The following PREX1 variants were observed in gnomAD, a reference collection of about 807,000 sequenced individuals.
The protein encoded by PREX1 is phosphatidylinositol 3,4,5-trisphosphate-dependent Rac exchanger 1 protein.
In PREX1, 41 loss-of-function variants were observed where a neutral mutation model predicts 198.3. The observed-to-expected ratio is 0.21, with a 90% CI of 0.16 to 0.27. The LOEUF is 0.27. Among genes scored for constraint, PREX1 ranks in the 10% least tolerant of loss-of-function variants. The pLI, the probability that PREX1 is intolerant of heterozygous loss-of-function variation, is 1.00. For missense variants in PREX1, 1,620 were observed against 2,200.7 expected, an observed-to-expected ratio of 0.74 and a Z score of 5.28; for synonymous variants, 843 against 887.2, an observed-to-expected ratio of 0.95 and a Z score of 0.89.
chr20:48,724,491 G>A (rs151156880), intron 5 of PREX1, among the ~76,000 whole-genome samples: 14 of 152,298 alleles, frequency 9.2e-5, no homozygotes, highest in East Asian at 1.9e-4. Flanking sequence ...TGGCTGCAAC[G>A]GCTGACTCTC....
the PREX1 span, among the ~76,000 whole-genome samples, chr20:48,863,347 C>T: frequency 1.3e-5 from 2 of 152,116 alleles, no homozygotes; most frequent in Admixed American, 6.6e-5. Flanking sequence ...ATGCAGTCTG[C>T]AGGTCTTGGC....
Position 48,657,071 on chromosome 20 carries a change from G to A in PREX1, c.2092C>T (p.Leu698=), listed in dbSNP as rs202212537. 7 of 1,605,040 alleles carry A rather than the reference G, an allele frequency of 4.4e-6. No homozygotes were observed. In the South Asian group the frequency reaches 7.8e-5, roughly 18 times the overall value. ...GCCTTCGTGGCCACCAGGAGGCGCA[G>A]AGGGCGGCGGGAGCAGAAGGACTGG... ...LNQSFCSRRP[L]RLLVATKAKE... is the part of the protein sequence containing the mutation. Residue 698 remains leucine (L), a synonymous_variant, in exon 18 of 40, where the codon CTG becomes TTG. Coordinates refer to ENST00000371941, the MANE Select transcript of PREX1 (RefSeq NM_020820.4).
intron 6 of PREX1, among the ~76,000 whole-genome samples, chr20:48,702,684 C>T (rs1442149207): frequency 6.6e-6 from 1 of 152,200 alleles, no homozygotes; most frequent in Non-Finnish European, 1.5e-5. Context: ...TGGAGGGAAC[C>T]TGGGTCCTGG....
At chr20:48,782,385 T>C (rs367841205) in intron 1 of PREX1, among the ~76,000 whole-genome samples, 2 of 152,176 alleles carry the variant, frequency 1.3e-5, no homozygotes, top group African/African-American at 2.4e-5. Flanking sequence ...CCACCTAAGA[T>C]ATGCCTTTTG....
chr20:48,690,818 T>C, intron 9 of PREX1, 129 bp downstream of exon 9: 2 of 1,339,714 alleles, frequency 1.5e-6, no homozygotes, highest in South Asian at 2.7e-5. Flanking sequence ...TCCCTTCAAA[T>C]ACCTGCTTCT....
In PREX1 at chr20:48,684,636, G is replaced by A. The variant is rs1002290533; in HGVS notation, c.1335-3301C>T. 1.3e-5 allele frequency among the ~76,000 whole-genome samples: 2 copies of A among 152,168 alleles called. No individual in the cohort carries two copies. Among genetic ancestry groups the A allele is most frequent in the African/African-American group, 4.8e-5 (2 of 41,442 alleles). ...GCCGCGTCATACCTGGTAACCCTGA[G>A]CTCCGACAGCTCCACCAATGCCCTC... On this transcript the variant is annotated intron_variant, in intron 10 of 39. Transcript: ENST00000371941. This position sits in a 1 kb window ranked among gnomAD's most constrained non-coding sequence, Gnocchi z 4.2.
intron 2 of PREX1, 21 bp downstream of exon 2, chr20:48,747,788 G>A (rs756429727): frequency 2.5e-6 from 4 of 1,604,186 alleles, no homozygotes; most frequent in South Asian, 2.2e-5. Flanking sequence ...CTAGAACAGG[G>A]GCCAGCCCCA....
chr20:48,664,910 G>T (rs1170046419), intron 15 of PREX1, among the ~76,000 whole-genome samples: 2 of 148,182 alleles, frequency 1.3e-5, no homozygotes, highest in African/African-American at 5.0e-5. Flanking sequence ...CGGCCCAGAC[G>T]GCCTGAATTC....
At chr20:48,663,907 C>CGT (rs1568811517) in intron 15 of PREX1, among the ~76,000 whole-genome samples, 1 of 146,746 alleles carries the variant, frequency 6.8e-6, no homozygotes, top group African/African-American at 2.7e-5. Flanking sequence ...AGTGTGAGTG[C>CGT]GCGCACACAC....
In PREX1 at chr20:48,689,921, G is replaced by A. The variant is rs77630663; in HGVS notation, c.1186+1026C>T. Among the ~76,000 whole-genome samples, 479 of 152,276 alleles carry A rather than the reference G, an allele frequency of 3.1e-3. 10 individuals are homozygous for A. The East Asian group carries it at 0.061, about 19-fold the overall frequency. ...GAAGTAGGGAGAAGAGAGGAGAAGC[G>A]GATGGGTGTGACATATATGTGAAAG... On this transcript the variant is annotated intron_variant, in intron 9 of 39. Transcript: ENST00000371941.
At chr20:48,868,604 T>A in the PREX1 span, among the ~76,000 whole-genome samples, 1 of 152,092 alleles carries the variant, frequency 6.6e-6, no homozygotes, top group African/African-American at 2.4e-5. Flanking sequence ...AAGAAAAACC[T>A]GATTTTTTTA....
At chr20:48,718,183 C>T (rs1420229725) in intron 5 of PREX1, among the ~76,000 whole-genome samples, 4 of 152,326 alleles carry the variant, frequency 2.6e-5, no homozygotes, top group African/African-American at 4.8e-5. Context: ...CAGGCTCTGA[C>T]ATTCAGGAGC....
rs548122310 is a variant in PREX1, at chr20:48,804,380, C to T, written c.219+23262G>A. On this transcript the variant is annotated intron_variant, in intron 1 of 39. Transcript: ENST00000371941. ...GGAGCATGGGAGGAGGGGTGACTTTCGATGGGAGGCCAGGGAAGGCTGGGC... is the reference window on the plus strand; with the variant it reads ...GGAGCATGGGAGGAGGGGTGACTTTTGATGGGAGGCCAGGGAAGGCTGGGC... Among the ~76,000 whole-genome samples, 8 of 152,142 alleles carry T rather than the reference C, an allele frequency of 5.3e-5. No individual in the cohort carries two copies. In the East Asian group the frequency reaches 7.7e-4, roughly 15 times the overall value.
intron 5 of PREX1, among the ~76,000 whole-genome samples, chr20:48,713,409 G>C (rs1039799067): frequency 3.9e-5 from 6 of 152,120 alleles, no homozygotes; most frequent in Non-Finnish European, 7.4e-5. Context: ...CCAAGATTAA[G>C]CCCCTGCACT....
intron 1 of PREX1, among the ~76,000 whole-genome samples, chr20:48,766,657 C>T (rs1409211086): frequency 1.3e-5 from 2 of 152,220 alleles, no homozygotes; most frequent in Admixed American, 1.3e-4. Flanking sequence ...CCAGGAAACC[C>T]ATGCATAGGC....
At chr20:48,730,875 T>C (rs570306802) in intron 4 of PREX1, among the ~76,000 whole-genome samples, 1 of 151,984 alleles carries the variant, frequency 6.6e-6, no homozygotes, top group Non-Finnish European at 1.5e-5. Context: ...GTGCACACTA[T>C]AGTCCCAGCT....
At chr20:48,770,185 A>C (rs2090228935) in intron 1 of PREX1, among the ~76,000 whole-genome samples, 1 of 152,252 alleles carries the variant, frequency 6.6e-6, no homozygotes, top group Non-Finnish European at 1.5e-5. Flanking sequence ...AGCGGGCATA[A>C]GAATTACCTG....
At chr20:48,641,834 GAGAGAGAGGAAGGA>G (rs1568796490) in intron 29 of PREX1, among the ~76,000 whole-genome samples, 32 of 128,610 alleles carry the variant, frequency 2.5e-4, no homozygotes, top group Non-Finnish European at 4.0e-4. Context: ...AAGAGAGAGA[GAGAGAGAGGAAGGA>G]AGGAAGGAAG....
intron 19 of PREX1, among the ~76,000 whole-genome samples, chr20:48,654,775 G>A (rs539265927): frequency 1.4e-4 from 21 of 152,296 alleles, no homozygotes; most frequent in Middle Eastern, 3.4e-3. Flanking sequence ...AAGTTTGGGG[G>A]CCCAGTATCA....
Sources: allele counts gnomAD v4.1 joint callset (sites outside exome capture counted in the v4.1 genomes callset), GRCh38; gene constraint gnomAD v4.1.1; non-coding constraint Gnocchi (gnomAD v3.1); transcripts MANE v1.5; gene names NCBI Gene and HGNC (gene_info 2026-07-23, HGNC 2026-07-21).